Variants in RABGAP1L observed in about 807,000 individuals in gnomAD.
The protein encoded by RABGAP1L is RAB GTPase activating protein 1 like.
In RABGAP1L, 63 loss-of-function variants were observed where a neutral mutation model predicts 137.7. The ratio of observed to expected loss-of-function variants is 0.46; its 90% CI spans 0.37 to 0.56. RABGAP1L has a LOEUF of 0.56. RABGAP1L is among the 20% of genes least tolerant of loss of function. The pLI, the probability that RABGAP1L is intolerant of heterozygous loss-of-function variation, is 0.00. For missense variants in RABGAP1L, 1,095 were observed against 1,244.0 expected (o/e 0.88, Z 1.80); for synonymous variants, 431 against 433.7 (o/e 0.99, Z 0.08).
chr1:174,617,928 C>T (rs894815576), intron 13 of RABGAP1L, among the ~76,000 whole-genome samples: 4 of 152,170 alleles, frequency 2.6e-5, no homozygotes, highest in Admixed American at 6.5e-5. Flanking sequence ...CCTGGAAAAT[C>T]GGGTCACTCC....
chr1:174,232,200 C>T (rs1004904872), intron 4 of RABGAP1L, among the ~76,000 whole-genome samples: 1 of 152,120 alleles, frequency 6.6e-6, no homozygotes, highest in Non-Finnish European at 1.5e-5. Flanking sequence ...TCAGCTGAAC[C>T]TTTAGTTTCT....
chr1:174,978,963 G>C (rs926483274), intron 23 of RABGAP1L, 73 bp downstream of exon 23: 8 of 1,394,514 alleles, frequency 5.7e-6, no homozygotes, highest in Non-Finnish European at 7.4e-6. Flanking sequence ...TTTTTTGCTT[G>C]AGGCCAGGAG....
intron 19 of RABGAP1L, among the ~76,000 whole-genome samples, chr1:174,840,276 A>G (rs554824435): frequency 3.3e-5 from 5 of 152,326 alleles, no homozygotes; most frequent in South Asian, 2.1e-4. Flanking sequence ...AAATTATCCA[A>G]CTGCACTGGG....
intron 14 of RABGAP1L, among the ~76,000 whole-genome samples, chr1:174,681,682 T>A (rs533731579): frequency 2.0e-5 from 3 of 152,332 alleles, no homozygotes; most frequent in African/African-American, 7.2e-5. Context: ...TGCCTTTCAC[T>A]GAGTATAAAC....
At chr1:174,955,464 T>C (rs1668374135) in intron 19 of RABGAP1L, among the ~76,000 whole-genome samples, 1 of 152,246 alleles carries the variant, frequency 6.6e-6, no homozygotes. Context: ...TAACAAATTA[T>C]CTGGCCAGAT....
At chr1:174,173,421 C>T (rs1267623622) in intron 1 of RABGAP1L, among the ~76,000 whole-genome samples, 1 of 152,198 alleles carries the variant, frequency 6.6e-6, no homozygotes, top group Non-Finnish European at 1.5e-5. Context: ...TGAGCCACAG[C>T]ACCCGGCTGT....
intron 17 of RABGAP1L, among the ~76,000 whole-genome samples, chr1:174,712,063 T>G (rs1031236114): frequency 6.6e-6 from 1 of 152,204 alleles, no homozygotes; most frequent in Non-Finnish European, 1.5e-5. Flanking sequence ...TGTGTCTAGC[T>G]CAAGGTTTGT....
At chr1:174,414,565 A>G (rs2149141001) in intron 13 of RABGAP1L, among the ~76,000 whole-genome samples, 1 of 152,160 alleles carries the variant, frequency 6.6e-6, no homozygotes, top group South Asian at 2.1e-4. Context: ...CCCTTAATAA[A>G]TAAGCATTGA....
At chr1:174,567,082 T>C (rs1463572471) in intron 13 of RABGAP1L, among the ~76,000 whole-genome samples, 1 of 152,122 alleles carries the variant, frequency 6.6e-6, no homozygotes, top group Non-Finnish European at 1.5e-5. Context: ...ACACTAAATA[T>C]GTTAACAGTG....
intron 2 of RABGAP1L, among the ~76,000 whole-genome samples, chr1:174,220,058 A>G (rs999778314): frequency 2.6e-5 from 4 of 152,176 alleles, no homozygotes; most frequent in Admixed American, 2.0e-4. Context: ...TTAAATAATC[A>G]GTGGCTTTAT....
chr1:174,894,135 A>G (rs1271144939), intron 19 of RABGAP1L, among the ~76,000 whole-genome samples: 1 of 152,228 alleles, frequency 6.6e-6, no homozygotes, highest in Non-Finnish European at 1.5e-5. Context: ...TTAAAACTAC[A>G]CAATACCTGA....
intron 1 of RABGAP1L, among the ~76,000 whole-genome samples, chr1:174,176,824 A>C (rs1179785007): frequency 6.7e-6 from 1 of 150,262 alleles, no homozygotes; most frequent in African/African-American, 2.4e-5. Context: ...TCACGTGTGT[A>C]ATCCCAGCAC....
At chr1:174,542,377 G>T (rs1319352150) in intron 13 of RABGAP1L, among the ~76,000 whole-genome samples, 2 of 152,158 alleles carry the variant, frequency 1.3e-5, no homozygotes, top group Non-Finnish European at 2.9e-5. Flanking sequence ...TAGTTTATTT[G>T]CGTAAAAGTG....
chr1:174,414,278 C>G (rs1190951698), intron 13 of RABGAP1L, among the ~76,000 whole-genome samples: 2 of 151,968 alleles, frequency 1.3e-5, no homozygotes, highest in African/African-American at 2.4e-5. Context: ...TATAATTGGA[C>G]CCATTTATTT....
chr1:174,611,513 G>T (rs1230201790), intron 13 of RABGAP1L, among the ~76,000 whole-genome samples: 1 of 148,546 alleles, frequency 6.7e-6, no homozygotes, highest in Non-Finnish European at 1.5e-5. Flanking sequence ...TTGTTCTTTT[G>T]GCTTAGGATT....
intron 17 of RABGAP1L, among the ~76,000 whole-genome samples, chr1:174,717,514 T>A (rs1193576178): frequency 3.3e-5 from 5 of 152,166 alleles, no homozygotes; most frequent in African/African-American, 1.2e-4. Flanking sequence ...TTAAATAGAA[T>A]CAAAGCACAT....
chr1:174,550,131 T>TA (rs1666313167), intron 13 of RABGAP1L, among the ~76,000 whole-genome samples: 1 of 152,236 alleles, frequency 6.6e-6, no homozygotes, highest in South Asian at 2.1e-4. Context: ...CTCAGTCACT[T>TA]AAAATGGTAA....
chr1:174,776,260 G>C (rs1211056733), intron 18 of RABGAP1L, among the ~76,000 whole-genome samples: 2 of 152,128 alleles, frequency 1.3e-5, no homozygotes, highest in Non-Finnish European at 2.9e-5. Context: ...TGTAATCCCA[G>C]CTACTCGGGA....
intron 13 of RABGAP1L, among the ~76,000 whole-genome samples, chr1:174,468,449 G>T (rs768333980): frequency 3.3e-5 from 5 of 152,096 alleles, no homozygotes; most frequent in Non-Finnish European, 7.4e-5. Context: ...TTCAATAATG[G>T]ATTCACATTC....
Sources: gnomAD v4.1 joint callset for allele counts (sites outside exome capture counted in the v4.1 genomes callset) on GRCh38, gnomAD v4.1.1 for gene constraint, MANE v1.5 for transcripts, NCBI Gene and HGNC (gene_info 2026-07-23, HGNC 2026-07-21) for gene names.